Variants in HMGCLL1 observed in about 807,000 individuals in gnomAD.
HMGCLL1 encodes 3-hydroxymethyl-3-methylglutaryl-CoA lyase, cytoplasmic.
HMGCLL1 carries 36 observed loss-of-function variants against 39.1 expected under a neutral mutation model. The ratio of observed to expected loss-of-function variants is 0.92; its 90% CI spans 0.71 to 1.22. HMGCLL1 has a LOEUF of 1.22. HMGCLL1 is among the 50% of genes most tolerant of loss of function. The probability of loss-of-function intolerance (pLI) is 0.00; values close to 1 mark genes in which losing one functional copy is unlikely to be tolerated. For synonymous variants in HMGCLL1, 149 were observed against 144.0 expected, an observed-to-expected ratio of 1.03 and a Z score of -0.25; for missense variants, 451 against 416.5, an observed-to-expected ratio of 1.08 and a Z score of -0.72.
At chr6:55,565,620 A>T (rs1478705665) in intron 1 of HMGCLL1, among the ~76,000 whole-genome samples, 2 of 152,112 alleles carry the variant, frequency 1.3e-5, no homozygotes, top group Non-Finnish European at 2.9e-5. Context: ...ACATCTGTAC[A>T]AATTCTTCAA....
At chr6:55,584,376 G>A in the HMGCLL1 span, among the ~76,000 whole-genome samples, 5 of 152,132 alleles carry the variant, frequency 3.3e-5, no homozygotes, top group African/African-American at 4.8e-5. Context: ...TGGTTCTGAT[G>A]TCTTGACTAA....
chr6:55,489,944 T>C (rs1276036014), intron 7 of HMGCLL1, among the ~76,000 whole-genome samples: 1 of 152,062 alleles, frequency 6.6e-6, no homozygotes, highest in Non-Finnish European at 1.5e-5. Context: ...CTGTAGATAA[T>C]GGAAAAGTCA....
intron 7 of HMGCLL1, among the ~76,000 whole-genome samples, chr6:55,473,196 C>T (rs533690992): frequency 4.0e-5 from 6 of 151,168 alleles, no homozygotes; most frequent in South Asian, 2.1e-4. Context: ...TTTTAAAATC[C>T]GCTGGCAACC....
intron 6 of HMGCLL1, among the ~76,000 whole-genome samples, chr6:55,498,859 CA>C (rs1193746344): frequency 6.6e-6 from 1 of 152,028 alleles, no homozygotes; most frequent in Non-Finnish European, 1.5e-5. Flanking sequence ...AGGAGCAAAA[CA>C]GGGATGCTGC....
At chr6:55,538,201 G>A (rs1031793017) in intron 3 of HMGCLL1, among the ~76,000 whole-genome samples, 1 of 152,098 alleles carries the variant, frequency 6.6e-6, no homozygotes, top group African/African-American at 2.4e-5. Context: ...CTATTTTGTA[G>A]GCAGCTTTAT....
chr6:55,477,972 T>C (rs966412068), intron 7 of HMGCLL1, among the ~76,000 whole-genome samples: 6 of 151,278 alleles, frequency 4.0e-5, no homozygotes, highest in African/African-American at 1.5e-4. Context: ...AAAATGTTTG[T>C]ATAATATGGG....
chr6:55,632,074 G>A, the HMGCLL1 span, among the ~76,000 whole-genome samples: 5 of 152,188 alleles, frequency 3.3e-5, no homozygotes, highest in Admixed American at 3.3e-4. Flanking sequence ...GTGAAGTCAT[G>A]AGTGAAATGG....
intron 8 of HMGCLL1, among the ~76,000 whole-genome samples, chr6:55,438,890 A>T (rs979984512): frequency 6.6e-6 from 1 of 152,060 alleles, no homozygotes; most frequent in Non-Finnish European, 1.5e-5. Context: ...AATTTGGTGG[A>T]TGTGGTTACA....
chr6:55,557,620 A>G (rs1272756254), intron 1 of HMGCLL1, among the ~76,000 whole-genome samples: 1 of 152,088 alleles, frequency 6.6e-6, no homozygotes, highest in Non-Finnish European at 1.5e-5. Flanking sequence ...TAGAGACACC[A>G]TATTTTGAAC....
At chr6:55,662,431 T>C in the HMGCLL1 span, among the ~76,000 whole-genome samples, 1 of 151,886 alleles carries the variant, frequency 6.6e-6, no homozygotes, top group Non-Finnish European at 1.5e-5. Context: ...TCTAAGTCTC[T>C]TGAGATTATC....
At chr6:55,621,323 C>A in the HMGCLL1 span, among the ~76,000 whole-genome samples, 3 of 151,972 alleles carry the variant, frequency 2.0e-5, no homozygotes, top group Non-Finnish European at 4.4e-5. Context: ...GTAGGGGCTC[C>A]CCAAACCCTG....
chr6:55,665,947 A>G, the HMGCLL1 span, among the ~76,000 whole-genome samples: 1,806 of 151,860 alleles, frequency 0.012, 39 homozygotes, highest in African/African-American at 0.041. Context: ...TAGTTATACA[A>G]CTGAAACCTA....
At chr6:55,499,039 T>C (rs1184256175) in intron 6 of HMGCLL1, among the ~76,000 whole-genome samples, 197 bp downstream of exon 6, 1 of 152,090 alleles carries the variant, frequency 6.6e-6, no homozygotes, top group Non-Finnish European at 1.5e-5. Flanking sequence ...CCCTTAACGT[T>C]GAAAAGTTAT....
intron 7 of HMGCLL1, among the ~76,000 whole-genome samples, chr6:55,460,761 G>T (rs9382494): frequency 0.32 from 48,517 of 151,746 alleles, 7,788 homozygotes; most frequent in East Asian, 0.43. Context: ...AAGTAAGGGG[G>T]ACAGTATTAT....
the HMGCLL1 span, among the ~76,000 whole-genome samples, chr6:55,641,702 C>T: frequency 4.6e-5 from 7 of 151,698 alleles, no homozygotes; most frequent in Non-Finnish European, 1.5e-5. Context: ...AATACGTATT[C>T]TATAACTAGA....
At chr6:55,503,417 C>T (rs1263816476) in intron 5 of HMGCLL1, among the ~76,000 whole-genome samples, 1 of 151,628 alleles carries the variant, frequency 6.6e-6, no homozygotes, top group Non-Finnish European at 1.5e-5. Context: ...GGATAGATAC[C>T]CCCATATGCT....
chr6:55,493,735 TTTTG>T (rs1766434902), intron 7 of HMGCLL1, among the ~76,000 whole-genome samples: 2 of 93,124 alleles, frequency 2.1e-5, no homozygotes, highest in Non-Finnish European at 4.4e-5. Flanking sequence ...TTGTTTTTGT[TTTTG>T]TTTTTTTTTT....
intron 1 of HMGCLL1, among the ~76,000 whole-genome samples, chr6:55,563,602 C>T (rs1009566041): frequency 6.6e-6 from 1 of 152,082 alleles, no homozygotes; most frequent in South Asian, 2.1e-4. Flanking sequence ...TCTGTCCCTG[C>T]TGATTAATAG....
At chr6:55,653,612 A>G in the HMGCLL1 span, among the ~76,000 whole-genome samples, 1 of 152,000 alleles carries the variant, frequency 6.6e-6, no homozygotes, top group Admixed American at 6.6e-5. Flanking sequence ...TAAAAAGATG[A>G]GCAATAGAAT....
Sources: gnomAD v4.1 joint callset for allele counts (sites outside exome capture counted in the v4.1 genomes callset) on GRCh38, gnomAD v4.1.1 for gene constraint, MANE v1.5 for transcripts, NCBI Gene and HGNC (gene_info 2026-07-23, HGNC 2026-07-21) for gene names.